The following IL1RAPL2 variants were observed in gnomAD, a reference collection of about 807,000 sequenced individuals.
The protein encoded by IL1RAPL2 is X-linked interleukin-1 receptor accessory protein-like 2.
IL1RAPL2 carries 3 observed loss-of-function variants against 44.1 expected under a neutral mutation model. The ratio of observed to expected loss-of-function variants is 0.07; its 90% CI spans 0.03 to 0.18. The LOEUF is 0.18. Ranked by LOEUF, IL1RAPL2 falls within the 10% of genes least tolerant of loss-of-function variation. IL1RAPL2 has a pLI of 1.00. For synonymous variants in IL1RAPL2, 181 were observed against 178.8 expected, an observed-to-expected ratio of 1.01 and a Z score of -0.10; for missense variants, 391 against 496.4, an observed-to-expected ratio of 0.79 and a Z score of 2.02.
chrX:105,212,467 A>G (rs2033815969), intron 3 of IL1RAPL2, among the ~76,000 whole-genome samples: 1 of 111,802 alleles, frequency 8.9e-6, no homozygotes, highest in Non-Finnish European at 1.9e-5. Context: ...CCTGTCAGGG[A>G]CTTACAGACA....
chrX:104,616,820 G>A (rs181179191), intron 1 of IL1RAPL2, among the ~76,000 whole-genome samples: 1 of 111,824 alleles, frequency 8.9e-6, no homozygotes, highest in East Asian at 2.8e-4. Flanking sequence ...CGGAGACACT[G>A]ATTTGAGTAA....
chrX:104,776,936 G>A (rs759577612), intron 2 of IL1RAPL2, among the ~76,000 whole-genome samples: 22 of 111,480 alleles, frequency 2.0e-4, no homozygotes, highest in African/African-American at 3.3e-4. Context: ...TTACATCCAG[G>A]ATAATACATT....
Position 104,673,639 on chromosome X carries a change from G to T in IL1RAPL2, c.82+14644G>T, listed in dbSNP as rs1178792514. On this transcript the variant is annotated intron_variant, in intron 2 of 10. Coordinates refer to ENST00000372582, the MANE Select transcript of IL1RAPL2 (RefSeq NM_017416.2). Reference sequence around the variant, plus strand: ...GTTTTTTCCAATTCTGTGAAGAAAGGCTTTGGTAGCTTGATGGGGATGGTA... The same window carrying T: ...GTTTTTTCCAATTCTGTGAAGAAAGTCTTTGGTAGCTTGATGGGGATGGTA... Among the ~76,000 whole-genome samples, 20 of 111,282 alleles carry T rather than the reference G, an allele frequency of 1.8e-4. No homozygotes were observed. The South Asian group carries it at 2.7e-3, about 15-fold the overall frequency.
chrX:104,950,457 G>GAGGC (rs1426267397), intron 2 of IL1RAPL2, among the ~76,000 whole-genome samples: 12 of 112,473 alleles, frequency 1.1e-4, no homozygotes, highest in Admixed American at 8.4e-4. Context: ...GGAGCCTACA[G>GAGGC]AGGCAGGCAG....
chrX:105,374,257 G>A (rs2035368086), intron 5 of IL1RAPL2, among the ~76,000 whole-genome samples: 1 of 111,190 alleles, frequency 9.0e-6, no homozygotes, highest in African/African-American at 3.3e-5. Context: ...ATAGTTTGAA[G>A]TCAAGTAGTG....
intron 2 of IL1RAPL2, among the ~76,000 whole-genome samples, chrX:104,703,791 G>T (rs1021439872): frequency 1.8e-5 from 2 of 112,104 alleles, no homozygotes; most frequent in African/African-American, 6.5e-5. Flanking sequence ...TAAGTCATTT[G>T]CCCAAAGACA....
At chrX:105,249,838 A>G (rs905946289) in intron 4 of IL1RAPL2, among the ~76,000 whole-genome samples, 1 of 111,534 alleles carries the variant, frequency 9.0e-6, no homozygotes, top group Non-Finnish European at 1.9e-5. Context: ...ACATCCAACA[A>G]CTGTGCTTGT....
At chrX:105,550,656 G>A (rs758339860) in intron 6 of IL1RAPL2, among the ~76,000 whole-genome samples, 3 of 111,507 alleles carry the variant, frequency 2.7e-5, no homozygotes, top group Non-Finnish European at 5.6e-5. Context: ...CTGGTTGCTT[G>A]TAGGTCGTTT....
intron 2 of IL1RAPL2, among the ~76,000 whole-genome samples, chrX:105,039,975 G>A (rs1402802370): frequency 6.3e-5 from 7 of 110,580 alleles, no homozygotes; most frequent in African/African-American, 2.3e-4. Flanking sequence ...CAAAGGGAAT[G>A]CTTCCAGTTT....
At chrX:105,625,258 C>G (rs756673032) in intron 6 of IL1RAPL2, among the ~76,000 whole-genome samples, 71 of 111,933 alleles carry the variant, frequency 6.3e-4, no homozygotes, top group Non-Finnish European at 1.1e-3. Flanking sequence ...TAGCAAAATG[C>G]TAATTAATCT....
chrX:105,551,921 C>T (rs1364352080), intron 6 of IL1RAPL2, among the ~76,000 whole-genome samples: 3 of 110,429 alleles, frequency 2.7e-5, no homozygotes, highest in African/African-American at 9.9e-5. Context: ...CTGGCTAACA[C>T]GGTGAAACCC....
intron 2 of IL1RAPL2, among the ~76,000 whole-genome samples, chrX:105,098,625 A>G (rs974294618): frequency 5.3e-5 from 6 of 112,246 alleles, no homozygotes; most frequent in African/African-American, 1.6e-4. Context: ...CTTTGTATGA[A>G]AGGAGTGTGC....
chrX:104,875,089 T>C (rs1922867884), intron 2 of IL1RAPL2, among the ~76,000 whole-genome samples: 1 of 111,895 alleles, frequency 8.9e-6, no homozygotes, highest in Non-Finnish European at 1.9e-5. Flanking sequence ...TCTAACTTTG[T>C]GATGCTGAGA....
chrX:105,378,440 G>A (rs1296609906), intron 5 of IL1RAPL2, among the ~76,000 whole-genome samples: 1 of 111,545 alleles, frequency 9.0e-6, no homozygotes, highest in Non-Finnish European at 1.9e-5. Flanking sequence ...CAATATTTTG[G>A]TGGGTCATAG....
intron 6 of IL1RAPL2, among the ~76,000 whole-genome samples, chrX:105,505,062 C>G (rs757340272): frequency 9.0e-6 from 1 of 111,361 alleles, no homozygotes; most frequent in Non-Finnish European, 1.9e-5. Flanking sequence ...CTTGTTCTGT[C>G]TAGAGCCATA....
At chrX:104,599,686 A>ACG (rs1206277845) in intron 1 of IL1RAPL2, among the ~76,000 whole-genome samples, 3 of 108,828 alleles carry the variant, frequency 2.8e-5, no homozygotes, top group African/African-American at 1.0e-4. Context: ...ACACACACAC[A>ACG]CACACACACG....
intron 2 of IL1RAPL2, among the ~76,000 whole-genome samples, chrX:105,161,317 GT>G (rs1285659587): frequency 9.1e-5 from 10 of 109,773 alleles, no homozygotes; most frequent in Non-Finnish European, 1.7e-4. Context: ...AGATTACTGT[GT>G]TTTTTTCTCA....
intron 2 of IL1RAPL2, among the ~76,000 whole-genome samples, chrX:105,091,002 C>A (rs778186744): frequency 1.8e-5 from 2 of 112,083 alleles, no homozygotes; most frequent in East Asian, 5.6e-4. Flanking sequence ...GTGGCAATTG[C>A]CTTGGCTAGT....
At chrX:104,761,913 TTCTCCTTCTC>T (rs1411513473) in intron 2 of IL1RAPL2, among the ~76,000 whole-genome samples, 1 of 42,870 alleles carries the variant, frequency 2.3e-5, no homozygotes, top group African/African-American at 1.8e-4. Context: ...CTCCTTCTCC[TTCTCCTTCTC>T]CTTCTTCTTC....
Sources: gnomAD v4.1 joint callset for allele counts (sites outside exome capture counted in the v4.1 genomes callset) on GRCh38, gnomAD v4.1.1 for gene constraint, MANE v1.5 for transcripts, NCBI Gene and HGNC (gene_info 2026-07-23, HGNC 2026-07-21) for gene names.